The following ACOX3 variants were observed in gnomAD, a reference collection of about 807,000 sequenced individuals.
The protein encoded by ACOX3 is acyl-CoA oxidase 3, pristanoyl.
Under a neutral mutation model 81.5 loss-of-function variants are expected in ACOX3, and 73 were observed. The observed-to-expected ratio is 0.90, with a 90% CI of 0.74 to 1.09. ACOX3 has a LOEUF of 1.09. ACOX3 is among the 50% of genes least tolerant of loss of function. The pLI, the probability that ACOX3 is intolerant of heterozygous loss-of-function variation, is 0.00. For missense variants in ACOX3, 947 were observed against 928.0 expected, an observed-to-expected ratio of 1.02 and a Z score of -0.27; for synonymous variants, 387 against 375.1, an observed-to-expected ratio of 1.03 and a Z score of -0.37.
intron 1 of ACOX3, among the ~76,000 whole-genome samples, chr4:8,428,668 G>C (rs1392942028): frequency 6.6e-6 from 1 of 152,260 alleles, no homozygotes; most frequent in Non-Finnish European, 1.5e-5. Flanking sequence ...CTGGCGAGTC[G>C]CTGCCCTCTC....
Position 8,389,415 on chromosome 4 carries a change from G to C in ACOX3, c.1424-129C>G, listed in dbSNP as rs1171321291. 2 of 1,261,784 alleles carry C rather than the reference G, an allele frequency of 1.6e-6. No individual in the cohort carries two copies. Among genetic ancestry groups the C allele is most frequent in the Admixed American group, 4.4e-5 (2 of 45,858 alleles). The allele number at this position is 1,261,784 out of a possible 1,614,324, so 78.2% of individuals were successfully genotyped here. On this transcript the variant is annotated intron_variant, in intron 12 of 17. Transcript: ENST00000356406. This position sits in a 1 kb window ranked among gnomAD's most constrained non-coding sequence, Gnocchi z 5.3. The stretch of plus-strand genomic sequence containing the variant: ...GACGGCCACAGACCCACAGGCGAGG[G>C]TCTGGGTCTCAAGGACCCTCCCCAC...
In ACOX3 at chr4:8,389,854, C is replaced by G. The variant is rs1384109338; in HGVS notation, c.1301-120G>C. On this transcript the variant is annotated intron_variant, in intron 11 of 17. Transcript: ENST00000356406. This position sits in a 1 kb window ranked among gnomAD's most constrained non-coding sequence, Gnocchi z 5.3. ...GTGCGGTGGCTCACACCTGTAATGG[C>G]AGCACTTTGGGGGGCCGAGGCGGGT... 7.3e-7 allele frequency: 1 copy of G among 1,375,972 alleles called. No homozygotes were observed. The highest frequency in any genetic ancestry group is 9.9e-7 in the Non-Finnish European group (1 of 1,005,846). The allele number at this position is 1,375,972 out of a possible 1,614,324, so 85.2% of individuals were successfully genotyped here.
Position 8,392,346 on chromosome 4 carries a change from G to C in ACOX3, c.1287C>G (p.His429Gln), listed in dbSNP as rs148695498. 6 of 1,591,100 alleles carry C rather than the reference G, an allele frequency of 3.8e-6. No individual in the cohort carries two copies. Among genetic ancestry groups the C allele is most frequent in the Non-Finnish European group, 5.1e-6 (6 of 1,170,310 alleles). Residue 429 changes from histidine to glutamine, a missense_variant, in exon 11 of 18, where the codon CAC becomes CAG. Transcript: ENST00000356406. Reference protein sequence around the residue: ...IQECREACGGHGYLAMNRLGV... With the variant: ...IQECREACGGQGYLAMNRLGV... ...TCCAAAACCTACTGGCCAGATAGCC[G>C]TGTCCTCCACACGCCTCCCGGCATT...
At chr4:8,413,492 C>T (rs1320183961) in intron 5 of ACOX3, among the ~76,000 whole-genome samples, 1 of 141,510 alleles carries the variant, frequency 7.1e-6, no homozygotes, top group African/African-American at 2.7e-5. Context: ...TGGCCCATCT[C>T]CCTCCACCCC....
At chr4:8,397,793 A>G (rs1719889398) in intron 8 of ACOX3, among the ~76,000 whole-genome samples, 1 of 152,208 alleles carries the variant, frequency 6.6e-6, no homozygotes. Context: ...CCTTCTTCCA[A>G]GGCAGCATGG....
intron 11 of ACOX3, among the ~76,000 whole-genome samples, chr4:8,391,165 A>G (rs1452043375): frequency 6.6e-6 from 1 of 152,220 alleles, no homozygotes; most frequent in Non-Finnish European, 1.5e-5. Flanking sequence ...GATGAGTTAC[A>G]AAGACAAAAA....
rs1344326392 is a variant in ACOX3, at chr4:8,389,093, C to A, written c.1537+80G>T. ...CCCGGCTGGAACTGCCAAGGGTCCC[C>A]TCACCGAGGCACGGTGCGTTTCCTG... On this transcript the variant is annotated intron_variant, in intron 13 of 17. Transcript: ENST00000356406. The surrounding 1 kb of genome is among the most constrained non-coding windows in gnomAD (Gnocchi z 5.3). The A allele has an allele frequency of 4.9e-6, 6 of 1,232,652 alleles. No individual in the cohort carries two copies. In the East Asian group the frequency reaches 1.5e-4, roughly 30 times the overall value. The allele number at this position is 1,232,652 out of a possible 1,614,324, so 76.4% of individuals were successfully genotyped here.
rs1447880234 is a variant in ACOX3 at position 8,414,767 on chromosome 4, C to T, written c.453+87G>A. 1 of 1,370,278 alleles carries T rather than the reference C, an allele frequency of 7.3e-7. No homozygotes were observed. The highest frequency in any genetic ancestry group is 1.0e-6 in the Non-Finnish European group (1 of 960,278). The allele number at this position is 1,370,278 out of a possible 1,614,324, so 84.9% of individuals were successfully genotyped here. On this transcript the variant is annotated intron_variant, in intron 4 of 17. Coordinates refer to ENST00000356406, the MANE Select transcript of ACOX3 (RefSeq NM_003501.3). This position sits in a 1 kb window ranked among gnomAD's most constrained non-coding sequence, Gnocchi z 6.1. ...GAAGAGCATAAGCCCCCTGGGCACC[C>T]CCTTCTACAATCTTCTCTTTTCACA... is the stretch of plus-strand genomic sequence containing the variant.
Position 8,392,430 on chromosome 4 carries a change from G to A in ACOX3, c.1203C>T (p.His401=), listed in dbSNP as rs147597729. The A allele has an allele frequency of 7.7e-4, 1,242 of 1,603,558 alleles. 2 individuals carry two copies. The Middle Eastern group carries it at 0.01, about 14-fold the overall frequency. The stretch of plus-strand genomic sequence containing the variant: ...GGGGCTTGCTGGCCGATGCCAGGGC[G>A]TGGATCTCACGTCCAAGCTCTGCCT... ...ARQAELGREI[H]ALASASKPLA... Residue 401 remains histidine (H), a synonymous_variant, in exon 11 of 18, where the codon CAC becomes CAT. Transcript: ENST00000356406.
rs538229324 is a variant in ACOX3, at chr4:8,386,363, G to A, written c.1537+2810C>T. ...GGGCGGATCACGAGGTCAGGATATC[G>A]AGACCATCCTGCCTAACACGGTGAA... On this transcript the variant is annotated intron_variant, in intron 13 of 17. Coordinates refer to ENST00000356406, the MANE Select transcript of ACOX3 (RefSeq NM_003501.3). This position sits in a 1 kb window ranked among gnomAD's most constrained non-coding sequence, Gnocchi z 5.2. Among the ~76,000 whole-genome samples the A allele has an allele frequency of 2.6e-5, 4 of 152,064 alleles. No homozygotes were observed. Among genetic ancestry groups the A allele is most frequent in the Non-Finnish European group, 4.4e-5 (3 of 67,988 alleles).
chr4:8,392,294 T>A (rs1560180252), intron 11 of ACOX3, 39 bp downstream of exon 11: 6 of 1,461,400 alleles, frequency 4.1e-6, no homozygotes, highest in Non-Finnish European at 5.5e-6. Context: ...ACAGCAGGGC[T>A]AAGGACAGGA....
At position 8,416,684 on chromosome 4, in the gene ACOX3, G is replaced by T; in HGVS notation, c.-14-149C>A. The T allele has an allele frequency of 1.1e-6, 1 of 921,012 alleles. No individual in the cohort carries two copies. Among genetic ancestry groups the T allele is most frequent in the Non-Finnish European group, 1.6e-6 (1 of 638,986 alleles). 57.1% of individuals were successfully genotyped at this position (921,012 alleles called of 1,614,324 possible). ...GGCAAAAGAGAATCACTCTGTGAATGGCTAGCATCATTTTCCCAGAAGAAA... is the reference window on the plus strand; with the variant it reads ...GGCAAAAGAGAATCACTCTGTGAATTGCTAGCATCATTTTCCCAGAAGAAA... On this transcript the variant is annotated intron_variant, in intron 1 of 17. Transcript: ENST00000356406. The surrounding 1 kb of genome is among the most constrained non-coding windows in gnomAD (Gnocchi z 4.2).
chr4:8,421,469 G>C (rs1260235417), intron 1 of ACOX3, among the ~76,000 whole-genome samples: 1 of 152,240 alleles, frequency 6.6e-6, no homozygotes, highest in Non-Finnish European at 1.5e-5. Flanking sequence ...GGCGCAGCCA[G>C]AAGTCTCTAC....
rs369828422 is a variant in ACOX3, at chr4:8,394,746, G to C, written c.1057-4C>G. The C allele has an allele frequency of 1.9e-6, 3 of 1,612,364 alleles. No homozygotes were observed. Among genetic ancestry groups the C allele is most frequent in the Non-Finnish European group, 2.5e-6 (3 of 1,179,304 alleles). ...GATATGGAAGCAAGCGCCATTGCTA[G>C]AACAGACAAGACACCTGCGTGAACA... On this transcript the variant is annotated splice_region_variant and splice_polypyrimidine_tract_variant and intron_variant, in intron 9 of 17. Transcript: ENST00000356406. This position sits in a 1 kb window ranked among gnomAD's most constrained non-coding sequence, Gnocchi z 5.9.
At position 8,394,630 on chromosome 4, in the gene ACOX3, C is replaced by G; in HGVS notation, c.1169G>C (p.Ser390Thr). 3 of 1,613,686 alleles carry G rather than the reference C, an allele frequency of 1.9e-6. No homozygotes were observed. The highest frequency in any genetic ancestry group is 2.5e-6 in the Non-Finnish European group (3 of 1,179,980). ...LQRGLASGDRSARQAELGREI... is the reference protein window; with the variant it reads ...LQRGLASGDRTARQAELGREI... ...CAGACACCACCTCACCTGTCTGGCG[C>G]TGCGGTCTCCCGATGCAAGTCCTCG... Residue 390 changes from serine (S) to threonine (T), a missense_variant, in exon 10 of 18, where the codon AGC (serine) becomes ACC (threonine). Ser to Thr is a moderately conservative substitution (Grantham distance 58, BLOSUM62 1). Coordinates refer to ENST00000356406, the MANE Select transcript of ACOX3 (RefSeq NM_003501.3). The surrounding 1 kb of genome is among the most constrained non-coding windows in gnomAD (Gnocchi z 5.9).
the ACOX3 span, among the ~76,000 whole-genome samples, chr4:8,360,281 T>C: frequency 6.6e-6 from 1 of 152,154 alleles, no homozygotes; most frequent in African/African-American, 2.4e-5. Context: ...AGTGCTTAAA[T>C]ATTTTGTCAG....
intron 10 of ACOX3, chr4:8,393,103 G>T (rs1443959486): frequency 6.6e-6 from 1 of 151,146 alleles, no homozygotes; most frequent in Non-Finnish European, 1.5e-5. Flanking sequence ...AGACCGCCTG[G>T]GAATAGCAGG....
downstream of ACOX3, among the ~76,000 whole-genome samples, chr4:8,365,755 G>A (rs1272292505): frequency 2.6e-5 from 4 of 152,204 alleles, no homozygotes; most frequent in Non-Finnish European, 4.4e-5. Context: ...ATGTGGTGGG[G>A]GGGTGGTGTC....
rs1718111215 is a variant in ACOX3 at position 8,384,841 on chromosome 4, T to A, written c.1538-3234A>T. 6.6e-6 allele frequency among the ~76,000 whole-genome samples: 1 copy of A among 152,162 alleles called. No homozygotes were observed. The highest frequency in any genetic ancestry group is 1.5e-5 in the Non-Finnish European group (1 of 68,008). On this transcript the variant is annotated intron_variant, in intron 13 of 17. Transcript: ENST00000356406. The surrounding 1 kb of genome is among the most constrained non-coding windows in gnomAD (Gnocchi z 5.3). ...CTCAGCCAGATCACAGGCCCGGGTC[T>A]GACCATGCCCGCCGCTCTGGTGCTC...
Sources: allele counts gnomAD v4.1 joint callset (sites outside exome capture counted in the v4.1 genomes callset), GRCh38; gene constraint gnomAD v4.1.1; non-coding constraint Gnocchi (gnomAD v3.1); transcripts MANE v1.5; gene names NCBI Gene and HGNC (gene_info 2026-07-23, HGNC 2026-07-21).